The following PPP1R9A variants were observed in gnomAD, a reference collection of about 807,000 sequenced individuals.
PPP1R9A encodes the protein neurabin-1.
Under a neutral mutation model 141.9 loss-of-function variants are expected in PPP1R9A, and 59 were observed. The ratio of observed to expected loss-of-function variants is 0.42; its 90% confidence interval spans 0.34 to 0.52. The LOEUF is 0.52. Ranked by LOEUF, PPP1R9A falls within the 20% of genes least tolerant of loss-of-function variation. The pLI is 0.10. For missense variants in PPP1R9A, 1,444 were observed against 1,611.9 expected, an observed-to-expected ratio of 0.90 and a Z score of 1.78; for synonymous variants, 500 against 569.7, an observed-to-expected ratio of 0.88 and a Z score of 1.74.
At chr7:95,009,250 T>C (rs541379811) in intron 2 of PPP1R9A, among the ~76,000 whole-genome samples, 15 of 152,202 alleles carry the variant, frequency 9.9e-5, no homozygotes, top group Non-Finnish European at 1.6e-4. Flanking sequence ...TGGATACATA[T>C]GTAACAAACC....
chr7:95,239,222 C>T (rs562734041), intron 8 of PPP1R9A, among the ~76,000 whole-genome samples: 1 of 152,180 alleles, frequency 6.6e-6, no homozygotes, highest in East Asian at 1.9e-4. Flanking sequence ...TGTCTTACAG[C>T]TTTGGTTATC....
At chr7:95,112,024 C>A (rs1035199053) in intron 3 of PPP1R9A, among the ~76,000 whole-genome samples, 1 of 151,408 alleles carries the variant, frequency 6.6e-6, no homozygotes, top group Non-Finnish European at 1.5e-5. Flanking sequence ...AGAAATAACA[C>A]CTCTGAGAGA....
chr7:95,240,829 T>G (rs1563482736), intron 8 of PPP1R9A, among the ~76,000 whole-genome samples: 1 of 152,180 alleles, frequency 6.6e-6, no homozygotes, highest in Non-Finnish European at 1.5e-5. Context: ...TTTCACAAGT[T>G]TACTTATTTG....
chr7:94,996,099 T>C (rs753369204), intron 2 of PPP1R9A, among the ~76,000 whole-genome samples: 11 of 152,186 alleles, frequency 7.2e-5, no homozygotes, highest in Non-Finnish European at 1.3e-4. Flanking sequence ...TTTTCCAGTC[T>C]GGTAGAAGGA....
At chr7:95,189,096 A>T (rs1459377729) in intron 5 of PPP1R9A, among the ~76,000 whole-genome samples, 10 of 152,140 alleles carry the variant, frequency 6.6e-5, no homozygotes, top group Non-Finnish European at 1.5e-4. Flanking sequence ...TTGTTTGAGG[A>T]TGCTAAAGTT....
At chr7:95,235,323 A>C (rs1796531714) in intron 8 of PPP1R9A, among the ~76,000 whole-genome samples, 1 of 152,202 alleles carries the variant, frequency 6.6e-6, no homozygotes, top group Non-Finnish European at 1.5e-5. Context: ...TCAGCAAGAC[A>C]AAACAAACAA....
At chr7:95,133,819 A>G (rs908074914) in intron 4 of PPP1R9A, among the ~76,000 whole-genome samples, 3 of 151,880 alleles carry the variant, frequency 2.0e-5, no homozygotes, top group African/African-American at 7.3e-5. Context: ...GCTCCCAAGT[A>G]GTTGGGACCA....
At chr7:95,283,266 T>C (rs1259943881) in intron 16 of PPP1R9A, among the ~76,000 whole-genome samples, 1 of 152,276 alleles carries the variant, frequency 6.6e-6, no homozygotes, top group Non-Finnish European at 1.5e-5. Flanking sequence ...ATCCTTTAAA[T>C]GTTAAACAAT....
chr7:94,969,140 C>T (rs1415071275), intron 2 of PPP1R9A, among the ~76,000 whole-genome samples: 1 of 152,134 alleles, frequency 6.6e-6, no homozygotes, highest in African/African-American at 2.4e-5. Flanking sequence ...AAGCCTACTT[C>T]TGTCAATTCG....
intron 18 of PPP1R9A, chr7:95,287,185 T>C: frequency 6.3e-7 from 1 of 1,586,968 alleles, no homozygotes; most frequent in Non-Finnish European, 8.7e-7. Context: ...TGTTTGAATG[T>C]GTTTTTTCGC....
At chr7:95,274,212 C>G (rs778554489) in intron 16 of PPP1R9A, 44 bp downstream of exon 16, 112 of 1,447,838 alleles carry the variant, frequency 7.7e-5, no homozygotes, top group Admixed American at 1.1e-4. Context: ...TATACCTAAA[C>G]TTTCTGGCCC....
At chr7:95,127,947 T>C (rs73220014) in intron 4 of PPP1R9A, among the ~76,000 whole-genome samples, 43,411 of 152,132 alleles carry the variant, frequency 0.29, 7,605 homozygotes, top group Middle Eastern at 0.44. Context: ...TGGTTCTGTG[T>C]CTTTGCTGTC....
intron 3 of PPP1R9A, among the ~76,000 whole-genome samples, chr7:95,114,870 T>G (rs1821198027): frequency 7.0e-6 from 1 of 142,902 alleles, no homozygotes; most frequent in Non-Finnish European, 1.5e-5. Flanking sequence ...GTGGAAAGGA[T>G]TAAACTTAAA....
intron 2 of PPP1R9A, among the ~76,000 whole-genome samples, chr7:95,030,067 G>A (rs1036259510): frequency 3.3e-5 from 5 of 152,126 alleles, no homozygotes; most frequent in Non-Finnish European, 7.3e-5. Context: ...AGCCCTTTGA[G>A]CTCGTCCTTT....
intron 2 of PPP1R9A, among the ~76,000 whole-genome samples, chr7:94,917,576 T>TTA (rs1554411704): frequency 6.8e-6 from 1 of 147,670 alleles, no homozygotes; most frequent in African/African-American, 2.5e-5. Context: ...CTGTTATTAT[T>TTA]TTTTTTTTTT....
chr7:95,195,840 C>T (rs1836191253), intron 5 of PPP1R9A, among the ~76,000 whole-genome samples: 1 of 151,944 alleles, frequency 6.6e-6, no homozygotes, highest in South Asian at 2.1e-4. Context: ...CACTTGAGGC[C>T]AAGAGTTCAA....
At chr7:95,031,577 G>A (rs1218183093) in intron 2 of PPP1R9A, among the ~76,000 whole-genome samples, 1 of 152,006 alleles carries the variant, frequency 6.6e-6, no homozygotes, top group Non-Finnish European at 1.5e-5. Context: ...CCAACATGGT[G>A]AAATGCCGTT....
intron 2 of PPP1R9A, among the ~76,000 whole-genome samples, chr7:95,027,948 T>C (rs1392123562): frequency 6.6e-6 from 1 of 152,190 alleles, no homozygotes; most frequent in East Asian, 1.9e-4. Context: ...TTTTGTTTTT[T>C]TGTGCTGTGG....
chr7:95,059,745 C>T (rs562896796), intron 2 of PPP1R9A, among the ~76,000 whole-genome samples: 2 of 152,222 alleles, frequency 1.3e-5, no homozygotes, highest in South Asian at 2.1e-4. Context: ...AAAGGAACTT[C>T]GTAGCTCAAT....
Sources: gnomAD v4.1 joint callset for allele counts (sites outside exome capture counted in the v4.1 genomes callset) on GRCh38, gnomAD v4.1.1 for gene constraint, MANE v1.5 for transcripts, NCBI Gene and HGNC (gene_info 2026-07-23, HGNC 2026-07-21) for gene names.